Variants in CCDC88C observed in about 807,000 individuals in gnomAD.
CCDC88C encodes the protein protein Daple.
A neutral mutation model predicts 198.8 loss-of-function variants in CCDC88C; 131 were observed. The ratio of observed to expected loss-of-function variants is 0.66; its 90% CI spans 0.57 to 0.76. The LOEUF (loss-of-function observed/expected upper bound fraction) is 0.76. Ranked by LOEUF, CCDC88C falls within the 30% of genes least tolerant of loss-of-function variation. CCDC88C has a pLI of 0.00. For missense variants in CCDC88C, 2,553 were observed against 2,631.6 expected (o/e 0.97, Z 0.65); for synonymous variants, 1,166 against 1,114.7 (o/e 1.05, Z -0.92).
In CCDC88C at chr14:91,313,697, G is replaced by A. The variant is rs1023881882; in HGVS notation, c.2119C>T (p.Leu707=). 1.2e-6 allele frequency: 2 copies of A among 1,611,264 alleles called. No individual in the cohort carries two copies. Among genetic ancestry groups the A allele is most frequent in the African/African-American group, 2.7e-5 (2 of 75,052 alleles). The change falls in exon 15 of 30, where the codon CTG becomes TTG. Residue 707 remains leucine, a synonymous_variant. Transcript: ENST00000389857. The surrounding 1 kb of genome is among the most constrained non-coding windows in gnomAD (Gnocchi z 5.2). ...RDNKQLDAEN[L]ELRRLVETMR... is the part of the protein sequence containing the mutation. Reference sequence around the variant, plus strand: ...GTCTCCACCAGCCTGCGCAGCTCCAGGTTCTCTGCGTCCAGCTGCTTGTTG... The same window carrying A: ...GTCTCCACCAGCCTGCGCAGCTCCAAGTTCTCTGCGTCCAGCTGCTTGTTG...
At chr14:91,373,294 G>C (rs1001220672) in intron 3 of CCDC88C, among the ~76,000 whole-genome samples, 1 of 152,144 alleles carries the variant, frequency 6.6e-6, no homozygotes. Context: ...TGGCTTGGAC[G>C]CTATGCTGAG....
chr14:91,378,527 A>G (rs1436908838), intron 3 of CCDC88C: 1 of 152,636 alleles, frequency 6.6e-6, no homozygotes, highest in Non-Finnish European at 1.5e-5. Flanking sequence ...CAGCTGAAAC[A>G]AAGGCTAGGG....
rs1318344973 is a variant in CCDC88C, at chr14:91,288,471, C to A, written c.4441+634G>T. Among the ~76,000 whole-genome samples, 1 of 152,226 alleles carries A rather than the reference C, an allele frequency of 6.6e-6. No individual in the cohort carries two copies. The highest frequency in any genetic ancestry group is 1.5e-5 in the Non-Finnish European group (1 of 68,044). ...GCACCTGGGATCTCCCTGCACAAAGCAGCTTTCTACAAATCTGGCACATAC... is the reference window on the plus strand; with the variant it reads ...GCACCTGGGATCTCCCTGCACAAAGAAGCTTTCTACAAATCTGGCACATAC... On this transcript the variant is annotated intron_variant, in intron 25 of 29. Transcript: ENST00000389857. The surrounding 1 kb of genome is among the most constrained non-coding windows in gnomAD (Gnocchi z 4.2).
chr14:91,298,986 CAAT>C (rs1891153809), intron 21 of CCDC88C, among the ~76,000 whole-genome samples: 1 of 152,160 alleles, frequency 6.6e-6, no homozygotes, highest in African/African-American at 2.4e-5. Flanking sequence ...AAAAAGATAA[CAAT>C]AGTATAGTCG....
intron 3 of CCDC88C, among the ~76,000 whole-genome samples, chr14:91,369,844 G>A (rs536888106): frequency 2.0e-5 from 3 of 152,140 alleles, no homozygotes; most frequent in Non-Finnish European, 4.4e-5. Flanking sequence ...ACTGCAATCT[G>A]CACAAGCCCA....
chr14:91,300,063 C>A lies in CCDC88C; in HGVS notation c.3643G>T (p.Asp1215Tyr). The stretch of plus-strand genomic sequence containing the variant: ...AGCTCCGCCTTGCGCTTCAGCATGT[C>A]ACCGTGCCTGTTGGAGGGAAGCACC... ...EHKELGERHG[D>Y]MLKRKAELEE... Residue 1215 changes from aspartate to tyrosine, a missense_variant, in exon 21 of 30, where the codon GAC (aspartate) becomes TAC (tyrosine). Coordinates refer to ENST00000389857, the MANE Select transcript of CCDC88C (RefSeq NM_001080414.4). The A allele has an allele frequency of 6.2e-7, 1 of 1,608,130 alleles. No individual in the cohort carries two copies. The highest frequency in any genetic ancestry group is 8.5e-7 in the Non-Finnish European group (1 of 1,177,750).
In CCDC88C at chr14:91,273,720, T is replaced by C; in HGVS notation, c.5059-67A>G. The C allele has an allele frequency of 7.4e-7, 1 of 1,347,438 alleles. No individual in the cohort carries two copies. Among genetic ancestry groups the C allele is most frequent in the South Asian group, 2.1e-5 (1 of 47,784 alleles). The allele number at this position is 1,347,438 out of a possible 1,614,324, so 83.5% of individuals were successfully genotyped here. On this transcript the variant is annotated intron_variant, in intron 29 of 29. Transcript: ENST00000389857. This position sits in a 1 kb window ranked among gnomAD's most constrained non-coding sequence, Gnocchi z 5.6. ...TGGGTGGGTCCTTGGAGCCGCCTCCTGCGCGGGACGCCCCCGAGCAGCCCA... is the reference window on the plus strand; with the variant it reads ...TGGGTGGGTCCTTGGAGCCGCCTCCCGCGCGGGACGCCCCCGAGCAGCCCA...
intron 4 of CCDC88C, among the ~76,000 whole-genome samples, chr14:91,344,794 C>T (rs1274679538): frequency 2.0e-5 from 3 of 151,600 alleles, no homozygotes; most frequent in East Asian, 1.9e-4. Flanking sequence ...CCACCGCGCC[C>T]GGCCCCTTTT....
In CCDC88C at chr14:91,313,454, C is replaced by G. The variant is rs771162701; in HGVS notation, c.2362G>C (p.Glu788Gln). 1 of 1,607,800 alleles carries G rather than the reference C, an allele frequency of 6.2e-7. No homozygotes were observed. The highest frequency in any genetic ancestry group is 1.1e-5 in the South Asian group (1 of 91,080). The change falls in exon 15 of 30, where the codon GAG becomes CAG. Residue 788 changes from glutamate to glutamine, a missense_variant. Glu to Gln is a conservative substitution (Grantham distance 29). Around this residue, in one of 2 missense-constraint regions of CCDC88C, gnomAD observed 1,260 missense variants for 1,412.0 expected, o/e 0.89. Coordinates refer to ENST00000389857, the MANE Select transcript of CCDC88C (RefSeq NM_001080414.4). This position sits in a 1 kb window ranked among gnomAD's most constrained non-coding sequence, Gnocchi z 5.2. ...CGCTCAGCCTCCAGCTCGCCCAGCT[C>G]ACTCTCCAAGGTCTGCGTCTTGTGG... ...SSHKTQTLES[E>Q]LGELEAERQA...
intron 10 of CCDC88C, among the ~76,000 whole-genome samples, chr14:91,329,454 A>G (rs947028730): frequency 3.8e-4 from 58 of 152,160 alleles, no homozygotes; most frequent in African/African-American, 1.4e-3. Flanking sequence ...TCAGGCCTCC[A>G]CGGCCTCTGA....
intron 14 of CCDC88C, among the ~76,000 whole-genome samples, chr14:91,314,855 G>A (rs1892023191): frequency 6.6e-6 from 1 of 152,120 alleles, no homozygotes; most frequent in Non-Finnish European, 1.5e-5. Flanking sequence ...AAATACTTGG[G>A]GCCAGTGATG....
chr14:91,346,224 A>G (rs953206943), intron 4 of CCDC88C, among the ~76,000 whole-genome samples: 2 of 152,192 alleles, frequency 1.3e-5, no homozygotes, highest in African/African-American at 4.8e-5. Flanking sequence ...AGATAATGAC[A>G]TCATTGTCAA....
intron 2 of CCDC88C, among the ~76,000 whole-genome samples, chr14:91,411,768 G>C (rs899911949): frequency 1.3e-5 from 2 of 152,116 alleles, no homozygotes; most frequent in African/African-American, 4.8e-5. Context: ...TTCGAGACCA[G>C]CCTGGCCAAC....
At chr14:91,334,718 G>A (rs940484722) in intron 10 of CCDC88C, among the ~76,000 whole-genome samples, 1 of 152,110 alleles carries the variant, frequency 6.6e-6, no homozygotes, top group Non-Finnish European at 1.5e-5. Context: ...CGGGCCCATC[G>A]AAGTCACCTG....
intron 1 of CCDC88C, 83 bp from the exon 2 acceptor site, chr14:91,416,921 G>T: frequency 1.0e-6 from 1 of 1,001,762 alleles, no homozygotes; most frequent in Non-Finnish European, 1.5e-6. Context: ...GGCAGAGACT[G>T]GACGGGTCAG....
At chr14:91,296,366 T>C (rs1381475929) in intron 22 of CCDC88C, among the ~76,000 whole-genome samples, 1 of 152,228 alleles carries the variant, frequency 6.6e-6, no homozygotes, top group Admixed American at 6.5e-5. Flanking sequence ...TGCCAGTCCT[T>C]CACTTCATCA....
intron 25 of CCDC88C, chr14:91,285,441 G>A: frequency 5.1e-6 from 2 of 395,354 alleles, no homozygotes; most frequent in South Asian, 3.2e-5. Flanking sequence ...TATATCCTGA[G>A]GCTCCCCCTA....
intron 26 of CCDC88C, 29 bp from the exon 27 acceptor site, chr14:91,281,554 T>A (rs376214244): frequency 1.2e-6 from 2 of 1,608,412 alleles, no homozygotes; most frequent in Admixed American, 3.3e-5. Context: ...TAGTGAGTCA[T>A]GGTTACGGAA....
chr14:91,349,447 T>TA (rs957995214), intron 4 of CCDC88C, among the ~76,000 whole-genome samples: 3 of 152,222 alleles, frequency 2.0e-5, no homozygotes, highest in Non-Finnish European at 4.4e-5. Flanking sequence ...TGGTTACACT[T>TA]ACTCGAGCTG....
Sources: gnomAD v4.1 joint callset for allele counts (sites outside exome capture counted in the v4.1 genomes callset) on GRCh38, gnomAD v4.1.1 for gene constraint, gnomAD v4.1.1 regional missense constraint, Gnocchi (gnomAD v3.1) non-coding constraint, MANE v1.5 for transcripts, NCBI Gene and HGNC (gene_info 2026-07-23, HGNC 2026-07-21) for gene names.